STXBP4: variants seen among roughly 807,000 people sequenced by gnomAD.
The protein encoded by STXBP4 is syntaxin binding protein 4.
STXBP4 carries 55 observed loss-of-function variants against 76.1 expected under a neutral mutation model. The ratio of observed to expected loss-of-function variants is 0.72; its 90% confidence interval spans 0.58 to 0.91. The LOEUF is 0.91. STXBP4 is among the 40% of genes least tolerant of loss of function. The pLI is 0.00. For synonymous variants in STXBP4, 201 were observed against 220.2 expected (o/e 0.91, Z 0.77); for missense variants, 618 against 636.9 (o/e 0.97, Z 0.32).
chr17:55,143,252 T>C (rs966885360), intron 17 of STXBP4, among the ~76,000 whole-genome samples: 6 of 152,198 alleles, frequency 3.9e-5, no homozygotes, highest in African/African-American at 1.4e-4. Context: ...TAGCCATGCT[T>C]TCTCCTAGAA....
chr17:55,081,178 T>C lies in STXBP4; in HGVS notation c.1484T>C (p.Met495Thr), dbSNP rs765126157. Residue 495 changes from methionine (M) to threonine (T), a missense_variant, in exon 16 of 18, where the codon ATG (methionine) becomes ACG (threonine). Transcript: ENST00000376352. ...LVKSVRALLD[M>T]DCLPYGWEEA... ...AAATCTGTTCGTGCCTTACTTGATA[T>C]GGATTGTAAGTTTTCTGCATTTTTT... 17 of 1,478,212 alleles carry C rather than the reference T, an allele frequency of 1.2e-5. No individual in the cohort carries two copies. Among genetic ancestry groups the C allele is most frequent in the East Asian group, 8.0e-5 (3 of 37,558 alleles). 91.6% of individuals were successfully genotyped at this position (1,478,212 alleles called of 1,614,324 possible). A position where few individuals can be genotyped will look rare whatever the true frequency, so the allele number is the denominator to read the frequency against.
intron 16 of STXBP4, among the ~76,000 whole-genome samples, chr17:55,087,704 G>C (rs1040988438): frequency 6.6e-6 from 1 of 151,990 alleles, no homozygotes; most frequent in Admixed American, 6.6e-5. Context: ...TTTTTGCTCA[G>C]GTTTGCTTTG....
rs183265533 is a variant in STXBP4, at chr17:55,014,588, G to T, written c.666+6991G>T. Among the ~76,000 whole-genome samples the T allele has an allele frequency of 4.6e-3, 698 of 152,186 alleles. 4 individuals are homozygous for T. Among genetic ancestry groups the T allele is most frequent in the Middle Eastern group, 0.027 (8 of 294 alleles). Reference sequence around the variant, plus strand: ...GACAGTTAACCTCCTGGCCCTTAATGGTCAAGCATACCCGGGGCTCTGTGA... The same window carrying T: ...GACAGTTAACCTCCTGGCCCTTAATTGTCAAGCATACCCGGGGCTCTGTGA... On this transcript the variant is annotated intron_variant, in intron 8 of 17. Coordinates refer to ENST00000376352, the MANE Select transcript of STXBP4 (RefSeq NM_178509.6).
the STXBP4 span, among the ~76,000 whole-genome samples, chr17:55,179,771 T>A: frequency 6.6e-6 from 1 of 152,202 alleles, no homozygotes; most frequent in Non-Finnish European, 1.5e-5. Flanking sequence ...TATTTTGTTG[T>A]AAGAATATAG....
chr17:55,167,147 A>C lies in STXBP4; in HGVS notation c.*7236A>C, dbSNP rs1023980147. ...GTCCCCTATTGCTGCATACCTTTTA[A>C]TAAAGTATCAATCACACTATATATG... On this transcript the variant is annotated 3_prime_UTR_variant, in exon 18 of 18. Coordinates refer to ENST00000376352, the MANE Select transcript of STXBP4 (RefSeq NM_178509.6). The C allele has an allele frequency of 6.6e-6, 1 of 152,182 alleles. No individual in the cohort carries two copies. Among genetic ancestry groups the C allele is most frequent in the Non-Finnish European group, 1.5e-5 (1 of 68,024 alleles). The allele number at this position is 152,182 out of a possible 1,614,324, so 9.4% of individuals were successfully genotyped here. A position where few individuals can be genotyped will look rare whatever the true frequency, so the allele number is the denominator to read the frequency against.
chr17:54,974,818 T>C (rs2077447617), intron 1 of STXBP4, among the ~76,000 whole-genome samples: 1 of 141,974 alleles, frequency 7.0e-6, no homozygotes, highest in Admixed American at 7.2e-5. Flanking sequence ...CTGCCCAGAA[T>C]AGCAGCTTAG....
intron 8 of STXBP4, chr17:55,030,908 AT>A: frequency 3.4e-6 from 1 of 297,034 alleles, no homozygotes; most frequent in Non-Finnish European, 6.4e-6. Context: ...AAATAGTTTG[AT>A]TTTTGGTTCT....
At chr17:55,049,022 A>G (rs2078826032) in intron 12 of STXBP4, among the ~76,000 whole-genome samples, 1 of 152,024 alleles carries the variant, frequency 6.6e-6, no homozygotes, top group African/African-American at 2.4e-5. Context: ...AGATTAAGCA[A>G]CTTATGAAGG....
At chr17:55,091,136 C>G (rs1038373122) in intron 16 of STXBP4, among the ~76,000 whole-genome samples, 1 of 152,036 alleles carries the variant, frequency 6.6e-6, no homozygotes, top group Non-Finnish European at 1.5e-5. Context: ...TTTAAAAAAT[C>G]CCTCCAGTTT....
rs2077880068 is a variant in STXBP4, at chr17:54,999,896, A to G, written c.498+54A>G. The G allele has an allele frequency of 4.0e-5, 45 of 1,132,536 alleles. No homozygotes were observed. In the South Asian group the frequency reaches 6.1e-4, roughly 15 times the overall value. 70.2% of individuals were successfully genotyped at this position (1,132,536 alleles called of 1,614,324 possible). ...TATATGCACTCCATAAATTCCCTAT[A>G]CATTTTTACATTGGTTATGTACATA... On this transcript the variant is annotated intron_variant, in intron 6 of 17. Transcript: ENST00000376352.
the STXBP4 span, among the ~76,000 whole-genome samples, chr17:55,208,971 A>C: frequency 2.0e-5 from 3 of 151,774 alleles, no homozygotes; most frequent in Non-Finnish European, 4.4e-5. Context: ...AATCCCAGTT[A>C]CTCAGGAGGC....
chr17:55,157,081 C>T (rs893821368), intron 17 of STXBP4, among the ~76,000 whole-genome samples: 3 of 152,102 alleles, frequency 2.0e-5, no homozygotes, highest in African/African-American at 4.8e-5. Flanking sequence ...CCTGAACTTA[C>T]CCTCAGGTAA....
chr17:55,107,766 A>G (rs924464247), intron 16 of STXBP4, among the ~76,000 whole-genome samples: 1 of 152,162 alleles, frequency 6.6e-6, no homozygotes, highest in Non-Finnish European at 1.5e-5. Flanking sequence ...AACAACAAAG[A>G]TTGCTGCCTG....
At chr17:55,204,605 C>T in the STXBP4 span, among the ~76,000 whole-genome samples, 1 of 152,086 alleles carries the variant, frequency 6.6e-6, no homozygotes, top group Non-Finnish European at 1.5e-5. Flanking sequence ...CACTTACTCA[C>T]CTTAATCCCT....
chr17:55,100,274 CTTGTT>C (rs2079548516), intron 16 of STXBP4, among the ~76,000 whole-genome samples: 2 of 152,214 alleles, frequency 1.3e-5, no homozygotes, highest in African/African-American at 4.8e-5. Context: ...TTTGTTTTGT[CTTGTT>C]TTGTTTTAAA....
At chr17:55,116,882 A>G (rs2079786316) in intron 16 of STXBP4, among the ~76,000 whole-genome samples, 1 of 151,700 alleles carries the variant, frequency 6.6e-6, no homozygotes, top group Non-Finnish European at 1.5e-5. Flanking sequence ...TACCACTAAT[A>G]ATAAAATGAG....
chr17:55,212,238 A>C, the STXBP4 span, among the ~76,000 whole-genome samples: 1 of 128,030 alleles, frequency 7.8e-6, no homozygotes, highest in African/African-American at 3.0e-5. Flanking sequence ...GATCCTCCCT[A>C]GCTTCAGTTT....
chr17:55,010,848 C>G (rs2078097782), intron 8 of STXBP4, among the ~76,000 whole-genome samples: 1 of 152,270 alleles, frequency 6.6e-6, no homozygotes, highest in East Asian at 1.9e-4. Flanking sequence ...ATTCATCATT[C>G]AGACATCAGA....
chr17:55,072,972 C>T lies in STXBP4; in HGVS notation c.1084C>T (p.Gln362Ter). ...RIHLAEAAQRQAHGMEMDYEE... is the reference protein window; with the variant it reads ...RIHLAEAAQR ...TCATCTTGCTGAAGCTGCTCAGAGA[C>T]AGGCACATGGAATGGAAATGGACTA... The change falls in exon 13 of 18, where the codon CAG becomes TAG. Residue 362 changes from glutamine (Q) to a stop codon, truncating the protein, a stop_gained. Transcript: ENST00000376352. LOFTEE classifies it high-confidence loss of function. 6.2e-7 allele frequency: 1 copy of T among 1,613,924 alleles called. No homozygotes were observed. The highest frequency in any genetic ancestry group is 8.5e-7 in the Non-Finnish European group (1 of 1,179,888).
Sources: gnomAD v4.1 joint callset for allele counts (sites outside exome capture counted in the v4.1 genomes callset) on GRCh38, gnomAD v4.1.1 for gene constraint, MANE v1.5 for transcripts, NCBI Gene and HGNC (gene_info 2026-07-23, HGNC 2026-07-21) for gene names.